Variants in GPR83 observed in about 807,000 individuals in gnomAD.
The protein encoded by GPR83 is G-protein coupled receptor 72.
In GPR83, 23 loss-of-function variants were observed where a neutral mutation model predicts 28.0. That is an observed-to-expected ratio of 0.82 (90% CI 0.59 to 1.16). The LOEUF (loss-of-function observed/expected upper bound fraction) is 1.16. Ranked by LOEUF, GPR83 falls within the 50% of genes most tolerant of loss-of-function variation. The probability of loss-of-function intolerance (pLI) is 0.00; values close to 1 mark genes in which losing one functional copy is unlikely to be tolerated. For synonymous variants in GPR83, 234 were observed against 215.4 expected (o/e 1.09, Z -0.76); for missense variants, 610 against 536.6 (o/e 1.14, Z -1.35).
At chr11:94,389,208 A>T (rs1944789763) in intron 3 of GPR83, among the ~76,000 whole-genome samples, 1 of 152,196 alleles carries the variant, frequency 6.6e-6, no homozygotes, top group Non-Finnish European at 1.5e-5. Context: ...TTAGACCTAA[A>T]ACCATAAAAA....
chr11:94,387,106 A>G (rs1301864300), intron 3 of GPR83, among the ~76,000 whole-genome samples: 2 of 152,248 alleles, frequency 1.3e-5, no homozygotes, highest in African/African-American at 4.8e-5. Flanking sequence ...GAAGGCAGAA[A>G]TAAAGATGTT....
chr11:94,380,552 G>T lies in GPR83; in HGVS notation c.869C>A (p.Thr290Asn). The T allele has an allele frequency of 1.9e-6, 3 of 1,614,138 alleles. No individual in the cohort carries two copies. Among genetic ancestry groups the T allele is most frequent in the Middle Eastern group, 1.6e-4 (1 of 6,062 alleles). ...TACCACCAGCATCAACATCTTGATG[G>T]TCTTCTTCTTTTTGCGCCGCAGGGC... Reference protein sequence around the residue: ...YFALRRKKKKTIKMLMLVVVL... With the variant: ...YFALRRKKKKNIKMLMLVVVL... The change falls in exon 4 of 4, where the codon ACC becomes AAC. Residue 290 changes from threonine (T) to asparagine (N), a missense_variant. By Grantham distance (65) the Thr-to-Asn change is moderately conservative (BLOSUM62 0). Transcript: ENST00000243673.
At chr11:94,380,795 G>A (rs767590194) in intron 3 of GPR83, 22 bp from the exon 4 acceptor site, 2 of 1,586,376 alleles carry the variant, frequency 1.3e-6, no homozygotes, top group Non-Finnish European at 1.7e-6. Context: ...AAGTGGGGAG[G>A]GGGAGAGAGG....
At chr11:94,397,178 C>T (rs899411752) in intron 1 of GPR83, among the ~76,000 whole-genome samples, 1 of 152,108 alleles carries the variant, frequency 6.6e-6, no homozygotes, top group East Asian at 1.9e-4. Context: ...GAGGTATGAA[C>T]AGGTGTGGGG....
At chr11:94,384,923 G>C (rs1944733982) in intron 3 of GPR83, among the ~76,000 whole-genome samples, 1 of 152,236 alleles carries the variant, frequency 6.6e-6, no homozygotes, top group African/African-American at 2.4e-5. Flanking sequence ...TGACCCCCGA[G>C]TAGTCTACCT....
intron 3 of GPR83, among the ~76,000 whole-genome samples, chr11:94,384,476 A>G (rs1944727273): frequency 6.6e-6 from 1 of 152,126 alleles, no homozygotes; most frequent in African/African-American, 2.4e-5. Context: ...CTCACTGGGG[A>G]TTGTCGGACA....
At chr11:94,395,436 C>T (rs968473004) in intron 2 of GPR83, among the ~76,000 whole-genome samples, 6 of 152,220 alleles carry the variant, frequency 3.9e-5, no homozygotes, top group African/African-American at 1.4e-4. Context: ...CTTCTCAGAG[C>T]AGCATGGTCT....
At chr11:94,383,659 C>T (rs1944716574) in intron 3 of GPR83, among the ~76,000 whole-genome samples, 1 of 152,158 alleles carries the variant, frequency 6.6e-6, no homozygotes. Context: ...GATATCACCA[C>T]TGATCCCACA....
chr11:94,388,124 G>C (rs942188166), intron 3 of GPR83, among the ~76,000 whole-genome samples: 1 of 152,104 alleles, frequency 6.6e-6, no homozygotes, highest in Non-Finnish European at 1.5e-5. Context: ...AAATTCAACA[G>C]CCCTTCATGC....
intron 1 of GPR83, 135 bp from the exon 2 acceptor site, chr11:94,396,659 G>T: frequency 1.3e-6 from 1 of 780,150 alleles, no homozygotes; most frequent in Non-Finnish European, 2.0e-6. Context: ...ATACTGAATT[G>T]TGGAGTAAAC....
Position 94,401,071 on chromosome 11 carries a change from C to G in GPR83, c.177G>C (p.Arg59Ser), listed in dbSNP as rs1163186598. ...GGTTCTGGGACTCAGCGCCGTAGCG[C>G]CTCCTGCCCACAAAGTTCTGCCAGT... ...FSDWQNFVGR[R>S]RYGAESQNPT... is the part of the protein sequence containing the mutation. Residue 59 changes from arginine to serine, a missense_variant, in exon 1 of 4, where the codon AGG (arginine) becomes AGC (serine). Physicochemically the swap from Arg to Ser is moderately radical, Grantham distance 110. Transcript: ENST00000243673. 1.2e-6 allele frequency: 2 copies of G among 1,614,214 alleles called. No homozygotes were observed. The highest frequency in any genetic ancestry group is 1.7e-6 in the Non-Finnish European group (2 of 1,180,008).
Position 94,378,289 on chromosome 11 carries a change from A to G in GPR83, c.*1860T>C, listed in dbSNP as rs1944641950. 6.6e-6 allele frequency: 1 copy of G among 152,238 alleles called. No homozygotes were observed. 9.4% of individuals were successfully genotyped at this position (152,238 alleles called of 1,614,324 possible). On this transcript the variant is annotated 3_prime_UTR_variant, in exon 4 of 4. Transcript: ENST00000243673. ...ATGTGAGCAAGTTCAGTTTCAGTTA[A>G]CAGCCAAGAGGTCTAAGTGACAAAC...
intron 3 of GPR83, among the ~76,000 whole-genome samples, chr11:94,382,518 C>T (rs1406635766): frequency 6.6e-6 from 1 of 152,012 alleles, no homozygotes; most frequent in African/African-American, 2.4e-5. Flanking sequence ...TACAGGAGCA[C>T]CCAGATTCAT....
intron 3 of GPR83, among the ~76,000 whole-genome samples, chr11:94,385,912 T>C (rs1295122687): frequency 6.6e-6 from 1 of 152,144 alleles, no homozygotes; most frequent in Non-Finnish European, 1.5e-5. Context: ...TCACTGAAGT[T>C]GAAACGAAGG....
intron 1 of GPR83, among the ~76,000 whole-genome samples, chr11:94,399,819 T>C (rs1213126725): frequency 2.0e-5 from 3 of 152,240 alleles, no homozygotes; most frequent in East Asian, 1.9e-4. Context: ...GTCACTATGG[T>C]TGCTCAGTCA....
At chr11:94,390,971 T>C (rs1944811120) in intron 3 of GPR83, among the ~76,000 whole-genome samples, 1 of 152,132 alleles carries the variant, frequency 6.6e-6, no homozygotes, top group Non-Finnish European at 1.5e-5. Context: ...TGGAAAAAAC[T>C]ACTTTAAAAT....
chr11:94,389,033 A>G (rs1165778625), intron 3 of GPR83, among the ~76,000 whole-genome samples: 1 of 152,196 alleles, frequency 6.6e-6, no homozygotes, highest in African/African-American at 2.4e-5. Context: ...ATCTACAACT[A>G]TCTGGTCCTT....
At position 94,380,680 on chromosome 11, in the gene GPR83, G is replaced by C. The variant is rs775998055; in HGVS notation, c.741C>G (p.Leu247=). The stretch of plus-strand genomic sequence containing the variant: ...AGATGATGAGGAGGGGCAGGATGTA[G>C]AGCAGGATGAAGGTGGCCAAGTCCA... ...KYLDLATFIL[L]YILPLLIISV... Residue 247 remains leucine, a synonymous_variant, in exon 4 of 4, where the codon CTC becomes CTG. Transcript: ENST00000243673. 2 of 1,613,854 alleles carry C rather than the reference G, an allele frequency of 1.2e-6. No individual in the cohort carries two copies. Among genetic ancestry groups the C allele is most frequent in the Non-Finnish European group, 1.7e-6 (2 of 1,179,996 alleles).
chr11:94,397,148 A>G (rs1307804173), intron 1 of GPR83, among the ~76,000 whole-genome samples: 1 of 152,094 alleles, frequency 6.6e-6, no homozygotes, highest in Non-Finnish European at 1.5e-5. Context: ...TCATCTGGGG[A>G]GGACACCCAG....
Sources: allele counts gnomAD v4.1 joint callset (sites outside exome capture counted in the v4.1 genomes callset), GRCh38; gene constraint gnomAD v4.1.1; transcripts MANE v1.5; gene names NCBI Gene and HGNC (gene_info 2026-07-23, HGNC 2026-07-21).